RYR2: variants seen among roughly 807,000 people sequenced by gnomAD.
RYR2 encodes cardiac muscle ryanodine receptor-calcium release channel.
RYR2 carries 227 observed loss-of-function variants against 601.1 expected under a neutral mutation model. The observed-to-expected ratio is 0.38, with a 90% CI of 0.34 to 0.42. RYR2 has a LOEUF of 0.42. Ranked by LOEUF, RYR2 falls within the 10% of genes least tolerant of loss-of-function variation. The pLI, the probability that RYR2 is intolerant of heterozygous loss-of-function variation, is 1.00. For synonymous variants in RYR2, 2,223 were observed against 2,175.1 expected (o/e 1.02, Z -0.61); for missense variants, 4,646 against 6,156.5 (o/e 0.75, Z 8.21).
chr1:237,262,245 G>GTTTTTTTTTTT (rs386370106), intron 1 of RYR2, among the ~76,000 whole-genome samples: 1,417 of 61,062 alleles, frequency 0.023, 276 homozygotes, highest in East Asian at 0.14. Flanking sequence ...GTTCTAAAGA[G>GTTTTTTTTTTT]TTTTTTTTTT....
chr1:237,525,386 T>C (rs1183666440), intron 24 of RYR2, among the ~76,000 whole-genome samples: 1 of 152,174 alleles, frequency 6.6e-6, no homozygotes, highest in African/African-American at 2.4e-5. Flanking sequence ...CTTAAGTTGA[T>C]TCCGTGACTT....
At chr1:237,409,984 CA>C (rs1313751855) in intron 10 of RYR2, among the ~76,000 whole-genome samples, 1 of 151,800 alleles carries the variant, frequency 6.6e-6, no homozygotes, top group African/African-American at 2.4e-5. Context: ...TTTTTCTTGA[CA>C]AAAAATGAAA....
At chr1:237,601,914 G>A (rs767332886) in intron 34 of RYR2, 111 bp from the exon 35 acceptor site, 116 of 828,436 alleles carry the variant, frequency 1.4e-4, no homozygotes, top group Non-Finnish European at 1.9e-4. Flanking sequence ...TGCAAGAAAG[G>A]AAAATCTCTG....
intron 12 of RYR2, among the ~76,000 whole-genome samples, chr1:237,432,209 T>TA (rs1706887696): frequency 6.7e-6 from 1 of 148,762 alleles, no homozygotes; most frequent in Non-Finnish European, 1.5e-5. Flanking sequence ...TAGGCTTTTT[T>TA]TAAAAAAAAA....
chr1:237,234,915 A>G (rs1250596332), intron 1 of RYR2, among the ~76,000 whole-genome samples: 1 of 151,922 alleles, frequency 6.6e-6, no homozygotes, highest in Non-Finnish European at 1.5e-5. Flanking sequence ...AATCTAGTTA[A>G]TTTTTAAAGT....
chr1:237,441,088 C>T (rs1022685558), intron 12 of RYR2, among the ~76,000 whole-genome samples: 4 of 151,900 alleles, frequency 2.6e-5, no homozygotes, highest in African/African-American at 9.7e-5. Flanking sequence ...CATTATGCAA[C>T]ATAAAATTTA....
At chr1:237,327,042 C>A (rs1169224452) in intron 2 of RYR2, among the ~76,000 whole-genome samples, 2 of 152,116 alleles carry the variant, frequency 1.3e-5, no homozygotes, top group Non-Finnish European at 2.9e-5. Context: ...TTAAAAGGTA[C>A]AAATTATGCT....
chr1:237,547,973 G>A (rs1454698362), intron 25 of RYR2, among the ~76,000 whole-genome samples: 1 of 152,028 alleles, frequency 6.6e-6, no homozygotes. Context: ...ATTTCCCTGT[G>A]GAATAAGAAA....
chr1:237,154,733 A>T (rs1480224444), intron 1 of RYR2, among the ~76,000 whole-genome samples: 1 of 152,218 alleles, frequency 6.6e-6, no homozygotes, highest in Admixed American at 6.5e-5. Context: ...GGGACATTTT[A>T]TAGACTTCAT....
At position 237,281,668 on chromosome 1, in the gene RYR2, G is replaced by A. The variant is rs916373260; in HGVS notation, c.168+11052G>A. Among the ~76,000 whole-genome samples the A allele has an allele frequency of 2.6e-5, 4 of 152,230 alleles. No homozygotes were observed. The East Asian group carries it at 7.7e-4, about 29-fold the overall frequency. ...ATCCCGTCAGTGCAGACTCCCCCCAGATGGTGCAGGCATTGGTAGGCAGTA... is the reference window on the plus strand; with the variant it reads ...ATCCCGTCAGTGCAGACTCCCCCCAAATGGTGCAGGCATTGGTAGGCAGTA... On this transcript the variant is annotated intron_variant, in intron 2 of 104. Transcript: ENST00000366574.
intron 1 of RYR2, among the ~76,000 whole-genome samples, chr1:237,144,674 A>G (rs1170738535): frequency 6.6e-6 from 1 of 152,200 alleles, no homozygotes; most frequent in East Asian, 1.9e-4. Context: ...GTGAGAATTA[A>G]ACCTCTTATT....
chr1:237,132,772 A>G (rs1672298447), intron 1 of RYR2, among the ~76,000 whole-genome samples: 1 of 152,246 alleles, frequency 6.6e-6, no homozygotes, highest in African/African-American at 2.4e-5. Context: ...CAAGAAGCTT[A>G]GAGAACCTCA....
intron 10 of RYR2, among the ~76,000 whole-genome samples, chr1:237,397,264 T>C (rs1232305793): frequency 1.4e-5 from 2 of 147,766 alleles, no homozygotes; most frequent in East Asian, 3.9e-4. Flanking sequence ...AAAGAAAAAA[T>C]GATAAATTGT....
Position 237,783,961 on chromosome 1 carries a change from C to A in RYR2, c.12249C>A (p.Phe4083Leu), listed in dbSNP as rs371599450. ...ATGAAACCCTCGACTACGAAGAGTT[C>A]GTCAAACGCTTCCACGAACCTGCGA... ...DENETLDYEE[F>L]VKRFHEPAKD... The change falls in exon 90 of 105, where the codon TTC (phenylalanine) becomes TTA (leucine). Residue 4083 changes from phenylalanine to leucine, a missense_variant. By Grantham distance (22) the Phe-to-Leu change is conservative. Coordinates refer to ENST00000366574, the MANE Select transcript of RYR2 (RefSeq NM_001035.3). The A allele has an allele frequency of 4.0e-5, 64 of 1,613,646 alleles. No homozygotes were observed. The highest frequency in any genetic ancestry group is 5.3e-5 in the Non-Finnish European group (62 of 1,179,730).
chr1:237,259,419 A>C (rs1037644183), intron 1 of RYR2, among the ~76,000 whole-genome samples: 3 of 151,930 alleles, frequency 2.0e-5, no homozygotes, highest in African/African-American at 4.8e-5. Flanking sequence ...GAGACAGGAG[A>C]ATCGCTTGAA....
At chr1:237,533,313 G>A (rs1572751194) in intron 25 of RYR2, among the ~76,000 whole-genome samples, 1 of 152,086 alleles carries the variant, frequency 6.6e-6, no homozygotes, top group Admixed American at 6.6e-5. Context: ...AGCCTAAAAT[G>A]TTGGGGTTTT....
At chr1:237,727,254 G>T in intron 76 of RYR2, 55 bp downstream of exon 76, 1 of 843,516 alleles carries the variant, frequency 1.2e-6, no homozygotes, top group South Asian at 2.2e-5. Context: ...CCTAGTAAGT[G>T]ACAGGTGTTT....
chr1:237,106,917 C>T lies in RYR2; in HGVS notation c.48+64348C>T, dbSNP rs1332232340. ...AAGTCCCTTTGTAAAGGGCAGTAAT[C>T]ACCTCCCAAGGCCCCGCCTCCTAAT... On this transcript the variant is annotated intron_variant, in intron 1 of 104. Transcript: ENST00000366574. This position sits in a 1 kb window ranked among gnomAD's most constrained non-coding sequence, Gnocchi z 4.4. 1.3e-5 allele frequency among the ~76,000 whole-genome samples: 2 copies of T among 152,150 alleles called. No homozygotes were observed. Among genetic ancestry groups the T allele is most frequent in the Non-Finnish European group, 2.9e-5 (2 of 68,036 alleles).
chr1:237,411,246 T>C (rs1231936346), intron 10 of RYR2, among the ~76,000 whole-genome samples: 2 of 152,146 alleles, frequency 1.3e-5, no homozygotes, highest in Admixed American at 6.5e-5. Flanking sequence ...ACTGTATTCC[T>C]GACCCATAGA....
Sources: gnomAD v4.1 joint callset for allele counts (sites outside exome capture counted in the v4.1 genomes callset) on GRCh38, gnomAD v4.1.1 for gene constraint, Gnocchi (gnomAD v3.1) non-coding constraint, MANE v1.5 for transcripts, NCBI Gene and HGNC (gene_info 2026-07-23, HGNC 2026-07-21) for gene names.